BTRC: variants seen among roughly 807,000 people sequenced by gnomAD.
The protein encoded by BTRC is beta-transducin repeat containing E3 ubiquitin protein ligase.
BTRC carries 42 observed loss-of-function variants against 85.5 expected under a neutral mutation model. The ratio of observed to expected loss-of-function variants is 0.49; its 90% CI spans 0.38 to 0.64. BTRC has a LOEUF of 0.64. BTRC is among the 30% of genes least tolerant of loss of function. BTRC has a pLI of 0.00. For missense variants in BTRC, 594 were observed against 743.5 expected, an observed-to-expected ratio of 0.80 and a Z score of 2.34; for synonymous variants, 255 against 263.3, an observed-to-expected ratio of 0.97 and a Z score of 0.30.
intron 4 of BTRC, among the ~76,000 whole-genome samples, chr10:101,486,062 T>A (rs2134244234): frequency 6.6e-6 from 1 of 152,264 alleles, no homozygotes; most frequent in Admixed American, 6.5e-5. Context: ...AGGCTGTGCC[T>A]TTTCAGCAGA....
rs536467798 is a variant in BTRC, at chr10:101,484,624, A to G, written c.324+5167A>G. Among the ~76,000 whole-genome samples, 321 of 152,314 alleles carry G rather than the reference A, an allele frequency of 2.1e-3. 3 individuals carry two copies. Among genetic ancestry groups the G allele is most frequent in the African/African-American group, 7.2e-3 (299 of 41,562 alleles). ...ACAGGCTTCTTTAAGATACTGTTCC[A>G]CAAGTAGCATGTCATATGGTCCGTT... On this transcript the variant is annotated intron_variant, in intron 4 of 14. Coordinates refer to ENST00000370187, the MANE Select transcript of BTRC (RefSeq NM_033637.4).
chr10:101,550,158 T>A (rs934701159), intron 13 of BTRC, among the ~76,000 whole-genome samples: 1 of 152,232 alleles, frequency 6.6e-6, no homozygotes, highest in African/African-American at 2.4e-5. Flanking sequence ...TGAGAAACTA[T>A]TAATAGCATG....
chr10:101,497,262 A>T (rs958494817), intron 4 of BTRC, among the ~76,000 whole-genome samples: 4 of 151,910 alleles, frequency 2.6e-5, no homozygotes, highest in African/African-American at 7.3e-5. Flanking sequence ...CTTTGTTGTT[A>T]CTCTTCAAGA....
chr10:101,455,060 CT>C (rs34039959), intron 2 of BTRC, among the ~76,000 whole-genome samples: 4,889 of 143,182 alleles, frequency 0.034, 129 homozygotes, highest in Admixed American at 0.097. Context: ...ATCCAAGAAA[CT>C]TTTTTTTTTT....
At chr10:101,393,080 C>T (rs1004960051) in intron 1 of BTRC, among the ~76,000 whole-genome samples, 3 of 152,076 alleles carry the variant, frequency 2.0e-5, no homozygotes, top group African/African-American at 7.2e-5. Context: ...GAGGGTCCCA[C>T]CTCATACCCT....
At chr10:101,470,135 A>G (rs1048928931) in intron 3 of BTRC, among the ~76,000 whole-genome samples, 1 of 152,054 alleles carries the variant, frequency 6.6e-6, no homozygotes, top group Non-Finnish European at 1.5e-5. Flanking sequence ...GTTTTTAGCC[A>G]TTTTTAAAAA....
chr10:101,505,869 C>G (rs1174100354), intron 4 of BTRC, among the ~76,000 whole-genome samples: 1 of 151,746 alleles, frequency 6.6e-6, no homozygotes, highest in African/African-American at 2.4e-5. Flanking sequence ...CAGATTTGAT[C>G]CTTTTTGAAG....
chr10:101,531,216 G>A (rs749255290), intron 6 of BTRC, 21 bp from the exon 7 acceptor site: 1 of 1,509,614 alleles, frequency 6.6e-7, no homozygotes, highest in African/African-American at 1.4e-5. Flanking sequence ...TTTTCACTGG[G>A]AAATATTTGT....
At chr10:101,438,415 A>T (rs1441289515) in intron 2 of BTRC, among the ~76,000 whole-genome samples, 16 of 93,810 alleles carry the variant, frequency 1.7e-4, no homozygotes, top group African/African-American at 6.8e-4. Context: ...ACAGAGCGAG[A>T]CTGCCTCAAA....
At chr10:101,523,420 G>A (rs1389452263) in intron 5 of BTRC, among the ~76,000 whole-genome samples, 1 of 151,990 alleles carries the variant, frequency 6.6e-6, no homozygotes, top group African/African-American at 2.4e-5. Flanking sequence ...AGTATTTGGG[G>A]GGAATGCTAT....
At chr10:101,421,604 T>C (rs1412363472) in intron 1 of BTRC, among the ~76,000 whole-genome samples, 34 of 138,984 alleles carry the variant, frequency 2.4e-4, no homozygotes, top group Non-Finnish European at 4.9e-4. Flanking sequence ...CTCCTAATGC[T>C]ATCCCTCCCC....
chr10:101,505,729 G>A (rs1277585120), intron 4 of BTRC, among the ~76,000 whole-genome samples: 1 of 151,532 alleles, frequency 6.6e-6, no homozygotes, highest in Non-Finnish European at 1.5e-5. Context: ...CATGTTTTTT[G>A]TGTATCTGAA....
chr10:101,420,438 T>G (rs1944069054), intron 1 of BTRC, among the ~76,000 whole-genome samples: 1 of 152,084 alleles, frequency 6.6e-6, no homozygotes, highest in Non-Finnish European at 1.5e-5. Context: ...AACTCACTGC[T>G]GGACCACTGC....
In BTRC at chr10:101,412,986, AATGAAGTTAT is replaced by A. The variant is rs1290137051; in HGVS notation, c.49-17357_49-17348del. 8.5e-5 allele frequency among the ~76,000 whole-genome samples: 13 copies of A among 152,374 alleles called. No homozygotes were observed. The East Asian group carries it at 2.3e-3, about 27-fold the overall frequency. On this transcript the variant is annotated intron_variant, in intron 1 of 14. Coordinates refer to ENST00000370187, the MANE Select transcript of BTRC (RefSeq NM_033637.4). ...TTCATTGAAATTTGAGAGAAATGTA[AATGAAGTTAT>A]AGAAGAAATAGTTGACCATAGGAAA...
intron 1 of BTRC, among the ~76,000 whole-genome samples, chr10:101,382,493 A>C (rs904360114): frequency 6.6e-6 from 1 of 151,822 alleles, no homozygotes; most frequent in Non-Finnish European, 1.5e-5. Context: ...CAGGGTAAAA[A>C]ATTTGGCAGG....
At chr10:101,427,617 T>A (rs11191007) in intron 1 of BTRC, among the ~76,000 whole-genome samples, 1,550 of 151,888 alleles carry the variant, frequency 0.01, 16 homozygotes, top group Non-Finnish European at 0.017. Context: ...TGCCCTGATA[T>A]CCCTGGCTCA....
chr10:101,527,865 T>C (rs943991441), intron 6 of BTRC, among the ~76,000 whole-genome samples: 2 of 152,136 alleles, frequency 1.3e-5, no homozygotes, highest in Non-Finnish European at 2.9e-5. Flanking sequence ...TTAATTCTTA[T>C]TTCGCTACAT....
chr10:101,414,881 G>A (rs1015273392), intron 1 of BTRC, among the ~76,000 whole-genome samples: 5 of 151,732 alleles, frequency 3.3e-5, no homozygotes, highest in Middle Eastern at 3.2e-3. Context: ...TGAGCTAAAT[G>A]TTATTACAAA....
rs376577588 is a variant in BTRC, at chr10:101,479,341, C to G, written c.235-27C>G. 416 of 1,570,978 alleles carry G rather than the reference C, an allele frequency of 2.6e-4. 1 individual carries two copies. Among genetic ancestry groups the G allele is most frequent in the South Asian group, 8.5e-4 (76 of 89,152 alleles). On this transcript the variant is annotated intron_variant, in intron 3 of 14. Coordinates refer to ENST00000370187, the MANE Select transcript of BTRC (RefSeq NM_033637.4). ...TGGCAGTATTTCAATATTTTAAAAA[C>G]CTGTTTCCAACAAATTCTCTTTACA...
Sources: gnomAD v4.1 joint callset for allele counts (sites outside exome capture counted in the v4.1 genomes callset) on GRCh38, gnomAD v4.1.1 for gene constraint, MANE v1.5 for transcripts, NCBI Gene and HGNC (gene_info 2026-07-23, HGNC 2026-07-21) for gene names.